CALCR: variants seen among roughly 807,000 people sequenced by gnomAD.
The protein encoded by CALCR is calcitonin receptor.
Under a neutral mutation model 59.5 loss-of-function variants are expected in CALCR, and 47 were observed. The observed-to-expected ratio is 0.79, with a 90% CI of 0.63 to 1.01. The LOEUF (loss-of-function observed/expected upper bound fraction) is 1.01. CALCR is among the 50% of genes least tolerant of loss of function. CALCR has a pLI of 0.00. For missense variants in CALCR, 566 were observed against 597.1 expected (o/e 0.95, Z 0.54); for synonymous variants, 213 against 211.3 (o/e 1.01, Z -0.07).
chr7:93,471,234 T>C (rs1389311357), intron 6 of CALCR, among the ~76,000 whole-genome samples: 2 of 151,824 alleles, frequency 1.3e-5, no homozygotes, highest in Non-Finnish European at 2.9e-5. Flanking sequence ...AATTTTTCTC[T>C]GTAACATCAT....
chr7:93,542,961 AT>A (rs34378950), intron 2 of CALCR, among the ~76,000 whole-genome samples: 57,339 of 149,078 alleles, frequency 0.38, 11,961 homozygotes, highest in Non-Finnish European at 0.48. Context: ...CAGTTCACTG[AT>A]TTTTTTTTTT....
chr7:93,452,552 GA>G (rs1800131601), intron 8 of CALCR, among the ~76,000 whole-genome samples: 1 of 151,990 alleles, frequency 6.6e-6, no homozygotes, highest in Non-Finnish European at 1.5e-5. Flanking sequence ...GGAATTTAAG[GA>G]TGCAACATTT....
intron 2 of CALCR, among the ~76,000 whole-genome samples, chr7:93,514,817 A>C (rs1170251146): frequency 6.6e-6 from 1 of 152,080 alleles, no homozygotes; most frequent in Non-Finnish European, 1.5e-5. Context: ...TCTATTATTC[A>C]GAGACAATAG....
At chr7:93,562,333 C>G (rs1288035766) in intron 2 of CALCR, among the ~76,000 whole-genome samples, 2 of 151,838 alleles carry the variant, frequency 1.3e-5, no homozygotes, top group Non-Finnish European at 2.9e-5. Context: ...GTGTTAAAAG[C>G]AAAACATATG....
At chr7:93,426,639 C>T (rs1449819446) in intron 13 of CALCR, 50 bp from the exon 14 acceptor site, 1 of 948,534 alleles carries the variant, frequency 1.1e-6, no homozygotes, top group African/African-American at 1.6e-5. Context: ...AGAAATGATC[C>T]ATGCAAAGTG....
At chr7:93,440,274 A>C (rs971099926) in intron 9 of CALCR, among the ~76,000 whole-genome samples, 56 of 152,052 alleles carry the variant, frequency 3.7e-4, no homozygotes, top group African/African-American at 1.4e-3. Context: ...TGTGAAAAAA[A>C]TTTTCAAAGG....
intron 2 of CALCR, among the ~76,000 whole-genome samples, chr7:93,494,653 T>C (rs1214893256): frequency 6.6e-6 from 1 of 151,394 alleles, no homozygotes; most frequent in Non-Finnish European, 1.5e-5. Context: ...GCAGTTGTCC[T>C]GGGTTAAACA....
rs141588376 is a variant in CALCR, at chr7:93,506,783, G to C, written c.-26-19776C>G. 6.5e-3 allele frequency among the ~76,000 whole-genome samples: 995 copies of C among 152,042 alleles called. 16 individuals carry two copies. Among genetic ancestry groups the C allele is most frequent in the African/African-American group, 0.023 (948 of 41,438 alleles). ...AATAATCAGGTGATATGGTTTGACTGTGTCCCCACCCAAATCTCATCTTGA... is the reference window on the plus strand; with the variant it reads ...AATAATCAGGTGATATGGTTTGACTCTGTCCCCACCCAAATCTCATCTTGA... On this transcript the variant is annotated intron_variant, in intron 2 of 13. Transcript: ENST00000426151.
chr7:93,523,285 T>C (rs1178109248), intron 2 of CALCR, among the ~76,000 whole-genome samples: 3 of 152,196 alleles, frequency 2.0e-5, no homozygotes, highest in Non-Finnish European at 1.5e-5. Context: ...TTTGACATGC[T>C]TCTGTACCCC....
At chr7:93,445,962 C>T (rs1018660524) in intron 8 of CALCR, among the ~76,000 whole-genome samples, 48 of 152,138 alleles carry the variant, frequency 3.2e-4, no homozygotes, top group African/African-American at 1.2e-3. Context: ...AGTATGAGAA[C>T]TGAAACAAGA....
intron 2 of CALCR, among the ~76,000 whole-genome samples, chr7:93,538,387 G>A (rs952896936): frequency 6.6e-6 from 1 of 151,918 alleles, no homozygotes; most frequent in Non-Finnish European, 1.5e-5. Flanking sequence ...TTCTGCTATA[G>A]TTTTATGATA....
intron 8 of CALCR, among the ~76,000 whole-genome samples, chr7:93,453,255 T>C (rs2115770686): frequency 6.6e-6 from 1 of 152,176 alleles, no homozygotes; most frequent in African/African-American, 2.4e-5. Context: ...TTGTGGACTT[T>C]AGGCATATTA....
At chr7:93,456,654 A>G (rs909779566) in intron 8 of CALCR, among the ~76,000 whole-genome samples, 3 of 152,132 alleles carry the variant, frequency 2.0e-5, no homozygotes, top group Non-Finnish European at 4.4e-5. Context: ...ATGGGATAAA[A>G]TTCTATCTTT....
chr7:93,500,421 C>A (rs141559011), intron 2 of CALCR, among the ~76,000 whole-genome samples: 1 of 151,958 alleles, frequency 6.6e-6, no homozygotes, highest in African/African-American at 2.4e-5. Flanking sequence ...TGTTGTTCAA[C>A]GTATTTAACA....
At chr7:93,567,479 G>A (rs571180353) in intron 2 of CALCR, among the ~76,000 whole-genome samples, 2 of 152,058 alleles carry the variant, frequency 1.3e-5, no homozygotes, top group South Asian at 2.1e-4. Flanking sequence ...AGTATAAAAT[G>A]TTATAATTTG....
intron 2 of CALCR, among the ~76,000 whole-genome samples, chr7:93,513,862 A>C (rs1364835879): frequency 6.6e-6 from 1 of 151,752 alleles, no homozygotes; most frequent in Non-Finnish European, 1.5e-5. Context: ...TTTCATTTAC[A>C]AATAAATATA....
chr7:93,540,094 A>G (rs1193973814), intron 2 of CALCR, among the ~76,000 whole-genome samples: 6 of 152,194 alleles, frequency 3.9e-5, no homozygotes. Flanking sequence ...GGATTCTTCC[A>G]ACAGAACACT....
At position 93,435,544 on chromosome 7, in the gene CALCR, C is replaced by T. The variant is rs150630930; in HGVS notation, c.1149+408G>A. ...GAAGATCATGGGCTTGTCAGGCGTGCGCAGTGGCTCACACCTGTAATCCCA... is the reference window on the plus strand; with the variant it reads ...GAAGATCATGGGCTTGTCAGGCGTGTGCAGTGGCTCACACCTGTAATCCCA... On this transcript the variant is annotated intron_variant, in intron 12 of 13. Transcript: ENST00000426151. Among the ~76,000 whole-genome samples, 318 of 152,068 alleles carry T rather than the reference C, an allele frequency of 2.1e-3. 2 individuals carry two copies. Among genetic ancestry groups the T allele is most frequent in the African/African-American group, 6.6e-3 (273 of 41,492 alleles).
At position 93,491,843 on chromosome 7, in the gene CALCR, C is replaced by A. The variant is rs549706474; in HGVS notation, c.-26-4836G>T. 1.3e-3 allele frequency among the ~76,000 whole-genome samples: 194 copies of A among 151,828 alleles called. 2 individuals carry two copies. The highest frequency in any genetic ancestry group is 4.5e-3 in the African/African-American group (186 of 41,460). On this transcript the variant is annotated intron_variant, in intron 2 of 13. Coordinates refer to ENST00000426151, the MANE Select transcript of CALCR (RefSeq NM_001742.4). ...TCAATCATTGTAGAAGATAGTATGG[C>A]AATTCCTCAAGGATCTAGAACCAGA...
Sources: allele counts gnomAD v4.1 joint callset (sites outside exome capture counted in the v4.1 genomes callset), GRCh38; gene constraint gnomAD v4.1.1; transcripts MANE v1.5; gene names NCBI Gene and HGNC (gene_info 2026-07-23, HGNC 2026-07-21).